The following SUSD1 variants were observed in gnomAD, a reference collection of about 807,000 sequenced individuals.
SUSD1 encodes sushi domain-containing protein 1.
A neutral mutation model predicts 86.9 loss-of-function variants in SUSD1; 65 were observed. The observed-to-expected ratio is 0.75, with a 90% CI of 0.61 to 0.92. The LOEUF is 0.92. Ranked by LOEUF, SUSD1 falls within the 40% of genes least tolerant of loss-of-function variation. SUSD1 has a pLI of 0.00. For missense variants in SUSD1, 850 were observed against 929.7 expected (o/e 0.91, Z 1.11); for synonymous variants, 346 against 350.0 (o/e 0.99, Z 0.13).
chr9:112,067,000 C>T (rs1227666908), intron 12 of SUSD1, among the ~76,000 whole-genome samples: 3 of 152,126 alleles, frequency 2.0e-5, no homozygotes, highest in Non-Finnish European at 2.9e-5. Flanking sequence ...CTCAGCCTCC[C>T]GAGTAGCTGG....
chr9:112,100,833 A>G (rs1181620374), intron 9 of SUSD1, among the ~76,000 whole-genome samples: 1 of 147,090 alleles, frequency 6.8e-6, no homozygotes, highest in Non-Finnish European at 1.5e-5. Flanking sequence ...CTCCATCTCA[A>G]AAAAAACAAA....
chr9:112,174,128 C>T (rs1235478240), intron 1 of SUSD1, among the ~76,000 whole-genome samples: 1 of 152,228 alleles, frequency 6.6e-6, no homozygotes, highest in Non-Finnish European at 1.5e-5. Context: ...CCTCTGGTGC[C>T]TCCGTGTGCT....
rs549956642 is a variant in SUSD1 at position 112,091,522 on chromosome 9, C to T, written c.1474+6948G>A. ...CTTACCAACATTATTTTGGGAATAT[C>T]TAAATGCATGCAATCTTCTGCTAAA... On this transcript the variant is annotated intron_variant, in intron 10 of 16. Transcript: ENST00000374270. Among the ~76,000 whole-genome samples, 58 of 152,182 alleles carry T rather than the reference C, an allele frequency of 3.8e-4. 3 individuals carry two copies. The highest frequency in any genetic ancestry group is 4.1e-4 in the South Asian group (2 of 4,830).
chr9:112,127,995 G>T (rs1227715494), intron 5 of SUSD1, among the ~76,000 whole-genome samples: 1 of 151,736 alleles, frequency 6.6e-6, no homozygotes, highest in African/African-American at 2.4e-5. Flanking sequence ...TAGAGACGGG[G>T]TCTCTCTGTA....
intron 12 of SUSD1, among the ~76,000 whole-genome samples, chr9:112,069,307 G>A (rs926404125): frequency 1.3e-5 from 2 of 152,166 alleles, no homozygotes; most frequent in East Asian, 1.9e-4. Flanking sequence ...ATTGCCAGGT[G>A]TCCCAGGAGG....
intron 5 of SUSD1, among the ~76,000 whole-genome samples, chr9:112,141,535 G>T (rs1832562915): frequency 2.6e-5 from 4 of 151,610 alleles, no homozygotes; most frequent in East Asian, 1.9e-4. Flanking sequence ...AAATTAGCCG[G>T]GTGTAGTGGT....
intron 1 of SUSD1, among the ~76,000 whole-genome samples, chr9:112,165,983 A>G (rs960725957): frequency 1.3e-5 from 2 of 151,444 alleles, no homozygotes; most frequent in Admixed American, 1.3e-4. Context: ...GAAAGAAAGA[A>G]AGAAAGAAAG....
chr9:112,144,518 G>A (rs1832723860), intron 3 of SUSD1, among the ~76,000 whole-genome samples: 1 of 152,048 alleles, frequency 6.6e-6, no homozygotes, highest in Non-Finnish European at 1.5e-5. Flanking sequence ...CTGGCACGGT[G>A]GCTCATGTCT....
chr9:112,064,466 C>G (rs1213406102), intron 12 of SUSD1, among the ~76,000 whole-genome samples: 1 of 152,234 alleles, frequency 6.6e-6, no homozygotes, highest in African/African-American at 2.4e-5. Context: ...GGAAAACTGT[C>G]TCTGATGAAA....
At chr9:112,104,591 A>T (rs1023464308) in intron 8 of SUSD1, 2 of 152,156 alleles carry the variant, frequency 1.3e-5, no homozygotes, top group Admixed American at 6.6e-5. Flanking sequence ...CAAAGCCAAC[A>T]GCTTCACCAA....
chr9:112,086,560 AAGAGAGAGAGAGAG>A (rs71382404), intron 10 of SUSD1, among the ~76,000 whole-genome samples: 1 of 136,240 alleles, frequency 7.3e-6, no homozygotes, highest in African/African-American at 3.2e-5. Context: ...GAAAGAAAGA[AAGAGAGAGAGAGAG>A]AGAGAGAGAG....
intron 12 of SUSD1, among the ~76,000 whole-genome samples, chr9:112,064,792 CT>C (rs1224436372): frequency 6.6e-6 from 1 of 151,054 alleles, no homozygotes; most frequent in African/African-American, 2.4e-5. Context: ...AGGAGAATCG[CT>C]TGAACCGGGC....
intron 3 of SUSD1, among the ~76,000 whole-genome samples, chr9:112,146,968 C>T (rs1382835779): frequency 6.6e-6 from 1 of 152,144 alleles, no homozygotes; most frequent in Non-Finnish European, 1.5e-5. Context: ...GAATTCATCT[C>T]TTGGAACTAT....
At chr9:112,144,689 T>C (rs1471314294) in intron 3 of SUSD1, among the ~76,000 whole-genome samples, 2 of 152,070 alleles carry the variant, frequency 1.3e-5, no homozygotes, top group African/African-American at 4.8e-5. Flanking sequence ...TGCCAGCCCA[T>C]GAGTATAGGA....
chr9:112,165,248 T>C (rs1833731677), intron 1 of SUSD1, among the ~76,000 whole-genome samples: 1 of 152,208 alleles, frequency 6.6e-6, no homozygotes, highest in Admixed American at 6.5e-5. Context: ...GTAGTAATCA[T>C]GTATTGTAAA....
chr9:112,163,768 C>A (rs995989877), intron 1 of SUSD1, among the ~76,000 whole-genome samples: 2 of 152,050 alleles, frequency 1.3e-5, no homozygotes, highest in Non-Finnish European at 2.9e-5. Flanking sequence ...GGAGGCCAAG[C>A]AGGGCAGATC....
Position 112,142,324 on chromosome 9 carries a change from G to A in SUSD1, c.702C>T (p.Cys234=). 2 of 1,569,286 alleles carry A rather than the reference G, an allele frequency of 1.3e-6. No homozygotes were observed. Among genetic ancestry groups the A allele is most frequent in the Admixed American group, 1.9e-5 (1 of 51,696 alleles). Reference sequence around the variant, plus strand: ...CTGTATTTTTTGAAAACTCACCTTGGCAATGTAATTTTGGGGACTCCCATG... The same window carrying A: ...CTGTATTTTTTGAAAACTCACCTTGACAATGTAATTTTGGGGACTCCCATG... ...LGTWESPKLH[C]QEINCGNPPE... Residue 234 remains cysteine (C), a synonymous_variant, in exon 5 of 17, where the codon TGC becomes TGT. Coordinates refer to ENST00000374270, the MANE Select transcript of SUSD1 (RefSeq NM_022486.5).
At chr9:112,122,405 CTGCCTTGGCCTCTCAAAG>C (rs1231355666) in intron 6 of SUSD1, among the ~76,000 whole-genome samples, 1 of 152,116 alleles carries the variant, frequency 6.6e-6, no homozygotes, top group Non-Finnish European at 1.5e-5. Flanking sequence ...AGCAATCCTC[CTGCCTTGGCCTCTCAAAG>C]TGCTGGGATT....
intron 12 of SUSD1, among the ~76,000 whole-genome samples, chr9:112,073,479 C>T (rs954968360): frequency 6.6e-6 from 1 of 151,940 alleles, no homozygotes. Flanking sequence ...CTCTCTCTCT[C>T]TTTCTCTCTC....
Sources: gnomAD v4.1 joint callset for allele counts (sites outside exome capture counted in the v4.1 genomes callset) on GRCh38, gnomAD v4.1.1 for gene constraint, MANE v1.5 for transcripts, NCBI Gene and HGNC (gene_info 2026-07-23, HGNC 2026-07-21) for gene names.